KLF7: variants seen among roughly 807,000 people sequenced by gnomAD.
The protein encoded by KLF7 is KLF transcription factor 7, also known as Krueppel-like factor 7.
In KLF7, 2 loss-of-function variants were observed where a neutral mutation model predicts 27.3. The observed-to-expected ratio is 0.07, with a 90% confidence interval of 0.03 to 0.23. The LOEUF is 0.23. KLF7 is among the 10% of genes least tolerant of loss of function. The pLI is 1.00. For synonymous variants in KLF7, 165 were observed against 162.4 expected, an observed-to-expected ratio of 1.02 and a Z score of -0.12; for missense variants, 221 against 394.1, an observed-to-expected ratio of 0.56 and a Z score of 3.72.
chr2:207,097,406 T>C (rs1284054631), intron 2 of KLF7, among the ~76,000 whole-genome samples: 2 of 152,130 alleles, frequency 1.3e-5, no homozygotes, highest in Non-Finnish European at 2.9e-5. Context: ...TTCATAGTGG[T>C]GATATCAACA....
intron 2 of KLF7, among the ~76,000 whole-genome samples, chr2:207,109,695 T>C (rs945975712): frequency 2.6e-5 from 4 of 152,208 alleles, no homozygotes; most frequent in African/African-American, 9.7e-5. Context: ...CCAAAGCTGA[T>C]CTGAGTAGGA....
At chr2:207,150,775 G>C (rs966749710) in intron 1 of KLF7, among the ~76,000 whole-genome samples, 1 of 152,062 alleles carries the variant, frequency 6.6e-6, no homozygotes, top group Non-Finnish European at 1.5e-5. Context: ...TACCAAATCA[G>C]CATTCCATCT....
Position 207,081,209 on chromosome 2 carries a change from T to C in KLF7, c.*4A>G, listed in dbSNP as rs1164522034. The C allele has an allele frequency of 6.2e-7, 1 of 1,613,668 alleles. No homozygotes were observed. Among genetic ancestry groups the C allele is most frequent in the East Asian group, 2.2e-5 (1 of 44,876 alleles). On this transcript the variant is annotated 3_prime_UTR_variant, in exon 4 of 4. Coordinates refer to ENST00000309446, the MANE Select transcript of KLF7 (RefSeq NM_003709.4). ...TGCCATGGCAACTCTGGCCTTTCGG[T>C]TTTTTAGATATGTCTCTTCATGTGG...
chr2:207,152,645 G>A (rs145639944), intron 1 of KLF7, among the ~76,000 whole-genome samples: 3 of 152,256 alleles, frequency 2.0e-5, no homozygotes, highest in East Asian at 1.9e-4. Context: ...AGTGAGATGC[G>A]ATTTGGAAAT....
rs1236822335 is a variant in KLF7, at chr2:207,077,399, A to C, written c.*3814T>G. ...TTTAAAACTAGGATTCAGTTCTGCT[A>C]ATCAGGCATGAGGTTGGCTGTCCTT... On this transcript the variant is annotated 3_prime_UTR_variant, in exon 4 of 4. Transcript: ENST00000309446. 6.6e-6 allele frequency: 1 copy of C among 152,178 alleles called. No homozygotes were observed. Among genetic ancestry groups the C allele is most frequent in the Non-Finnish European group, 1.5e-5 (1 of 68,034 alleles). The allele number at this position is 152,178 out of a possible 1,614,324, so 9.4% of individuals were successfully genotyped here. A position where few individuals can be genotyped will look rare whatever the true frequency, so the allele number is the denominator to read the frequency against.
chr2:207,126,940 A>G (rs2077494774), intron 1 of KLF7, among the ~76,000 whole-genome samples: 1 of 152,072 alleles, frequency 6.6e-6, no homozygotes, highest in Non-Finnish European at 1.5e-5. Flanking sequence ...TATGCCATTT[A>G]TTTACATACT....
intron 3 of KLF7, among the ~76,000 whole-genome samples, chr2:207,087,510 A>G (rs1559111171): frequency 2.0e-5 from 3 of 152,126 alleles, no homozygotes; most frequent in African/African-American, 7.2e-5. Flanking sequence ...TCCCAAGAAA[A>G]GCCAGGCCCC....
In KLF7 at chr2:207,074,154, T is replaced by C. The variant is rs557089911; in HGVS notation, c.*7059A>G. 2 of 152,332 alleles carry C rather than the reference T, an allele frequency of 1.3e-5. No individual in the cohort carries two copies. The highest frequency in any genetic ancestry group is 3.9e-4 in the East Asian group (2 of 5,186). The allele number at this position is 152,332 out of a possible 1,614,324, so 9.4% of individuals were successfully genotyped here. A position where few individuals can be genotyped will look rare whatever the true frequency, so the allele number is the denominator to read the frequency against. On this transcript the variant is annotated 3_prime_UTR_variant, in exon 4 of 4. Transcript: ENST00000309446. Reference sequence around the variant, plus strand: ...AGCCACGGTTTCTAAAGTAAACATTTATTGGAAAGTTTCTTGTCAGATTCA... The same window carrying C: ...AGCCACGGTTTCTAAAGTAAACATTCATTGGAAAGTTTCTTGTCAGATTCA...
chr2:207,093,435 T>C (rs1046793074), intron 2 of KLF7, among the ~76,000 whole-genome samples: 2 of 152,176 alleles, frequency 1.3e-5, no homozygotes, highest in African/African-American at 4.8e-5. Flanking sequence ...GCCTTTGCAC[T>C]GGCTCCTCGC....
chr2:207,150,519 A>G (rs1490563518), intron 1 of KLF7, among the ~76,000 whole-genome samples: 1 of 152,228 alleles, frequency 6.6e-6, no homozygotes, highest in Non-Finnish European at 1.5e-5. Flanking sequence ...GCAGAATAGA[A>G]AACAATTACA....
At chr2:207,149,392 G>A (rs911757281) in intron 1 of KLF7, among the ~76,000 whole-genome samples, 3 of 152,178 alleles carry the variant, frequency 2.0e-5, no homozygotes, top group Admixed American at 6.5e-5. Flanking sequence ...TCCCAGGCTT[G>A]CCCATATCTG....
intron 1 of KLF7, among the ~76,000 whole-genome samples, chr2:207,127,378 A>AT (rs2077509353): frequency 6.6e-6 from 1 of 152,188 alleles, no homozygotes; most frequent in African/African-American, 2.4e-5. Context: ...AGAGGAGAAG[A>AT]TTTTGTCAAT....
Position 207,075,972 on chromosome 2 carries a change from C to T in KLF7, c.*5241G>A, listed in dbSNP as rs1451531569. On this transcript the variant is annotated 3_prime_UTR_variant, in exon 4 of 4. Transcript: ENST00000309446. ...CAAAGGCCTAGGTTTAAAATGTCCC[C>T]TCTGCCCACCCCCAACCCCTCCCCG... 6.6e-6 allele frequency: 1 copy of T among 152,062 alleles called. No individual in the cohort carries two copies. Among genetic ancestry groups the T allele is most frequent in the East Asian group, 1.9e-4 (1 of 5,184 alleles). The allele number at this position is 152,062 out of a possible 1,614,324, so 9.4% of individuals were successfully genotyped here.
chr2:207,121,835 G>A (rs1360736823), intron 2 of KLF7: 3 of 152,164 alleles, frequency 2.0e-5, no homozygotes, highest in African/African-American at 7.2e-5. Flanking sequence ...GGATAAGAAA[G>A]AAGAAAAAAA....
intron 2 of KLF7, among the ~76,000 whole-genome samples, chr2:207,119,974 G>T (rs1047997924): frequency 1.3e-5 from 2 of 152,190 alleles, no homozygotes; most frequent in Admixed American, 6.5e-5. Flanking sequence ...GATTAGGGGC[G>T]TGAGCCACCG....
intron 1 of KLF7, chr2:207,133,979 C>T (rs1220952677): frequency 4.2e-6 from 4 of 946,876 alleles, no homozygotes; most frequent in Non-Finnish European, 4.7e-6. Flanking sequence ...TTTTACAGCC[C>T]GCTCTTATGC....
intron 1 of KLF7, among the ~76,000 whole-genome samples, chr2:207,163,228 C>T (rs1271911078): frequency 1.3e-5 from 2 of 152,182 alleles, no homozygotes; most frequent in Non-Finnish European, 2.9e-5. Flanking sequence ...AGTGCTTCCC[C>T]ACAAGCTATG....
rs116507814 is a variant in KLF7 at position 207,091,630 on chromosome 2, C to T, written c.734-3049G>A. Among the ~76,000 whole-genome samples, 1,478 of 152,206 alleles carry T rather than the reference C, an allele frequency of 9.7e-3. 23 individuals are homozygous for T. The highest frequency in any genetic ancestry group is 0.034 in the African/African-American group (1,417 of 41,490). On this transcript the variant is annotated intron_variant, in intron 2 of 3. Coordinates refer to ENST00000309446, the MANE Select transcript of KLF7 (RefSeq NM_003709.4). ...CCAATGAAGGAGCAGTGCCTGAAGG[C>T]AGAACTCAGAAATCAGAGAAGCAGA...
At chr2:207,098,169 T>C (rs2076676643) in intron 2 of KLF7, among the ~76,000 whole-genome samples, 2 of 152,206 alleles carry the variant, frequency 1.3e-5, no homozygotes, top group South Asian at 2.1e-4. Context: ...ACTTTGTTTT[T>C]GTTCTTTTTG....
Sources: allele counts gnomAD v4.1 joint callset (sites outside exome capture counted in the v4.1 genomes callset), GRCh38; gene constraint gnomAD v4.1.1; transcripts MANE v1.5; gene names NCBI Gene and HGNC (gene_info 2026-07-23, HGNC 2026-07-21).